ERP44: variants seen among roughly 807,000 people sequenced by gnomAD.
The protein encoded by ERP44 is endoplasmic reticulum resident protein 44.
In ERP44, 25 loss-of-function variants were observed where a neutral mutation model predicts 53.4. The ratio of observed to expected loss-of-function variants is 0.47; its 90% CI spans 0.34 to 0.65. ERP44 has a LOEUF of 0.65. ERP44 is among the 30% of genes least tolerant of loss of function. The pLI is 0.01. For missense variants in ERP44, 338 were observed against 493.2 expected (o/e 0.69, Z 2.98); for synonymous variants, 145 against 161.2 (o/e 0.90, Z 0.76).
rs1008869168 is a variant in ERP44, at chr9:100,017,952, A to G, written c.645+304T>C. Among the ~76,000 whole-genome samples the G allele has an allele frequency of 1.4e-4, 22 of 152,208 alleles. 1 individual carries two copies. Among genetic ancestry groups the G allele is most frequent in the Admixed American group, 6.5e-5 (1 of 15,280 alleles). ...GGAGCATTTTAAAAATCTGGCTCCC[A>G]GACTGAATGCCAGAGAGATAGAAAA... On this transcript the variant is annotated intron_variant, in intron 7 of 11. Coordinates refer to ENST00000262455, the MANE Select transcript of ERP44 (RefSeq NM_015051.3).
intron 8 of ERP44, among the ~76,000 whole-genome samples, chr9:100,008,224 G>A (rs1362790061): frequency 2.0e-5 from 3 of 151,898 alleles, no homozygotes; most frequent in Non-Finnish European, 4.4e-5. Flanking sequence ...GTTTTATCCA[G>A]GGTAAAAAAC....
At chr9:99,985,200 T>C (rs567245278) in intron 10 of ERP44, 131 bp from the exon 11 acceptor site, 5 of 612,334 alleles carry the variant, frequency 8.2e-6, no homozygotes, top group African/African-American at 3.7e-5. Flanking sequence ...GCAGGCCAGG[T>C]ATGTGTGAAA....
chr9:100,076,782 G>T (rs1341675181), intron 1 of ERP44, among the ~76,000 whole-genome samples: 1 of 152,208 alleles, frequency 6.6e-6, no homozygotes, highest in Non-Finnish European at 1.5e-5. Flanking sequence ...GGTGACTTCG[G>T]CAGAGGAGGA....
chr9:100,098,957 C>T lies in ERP44; in HGVS notation c.-117G>A. 5.1e-6 allele frequency: 4 copies of T among 776,780 alleles called. No individual in the cohort carries two copies. The highest frequency in any genetic ancestry group is 6.5e-6 in the Non-Finnish European group (3 of 462,544). 48.1% of individuals were successfully genotyped at this position (776,780 alleles called of 1,614,324 possible). A position where few individuals can be genotyped will look rare whatever the true frequency, so the allele number is the denominator to read the frequency against. The stretch of plus-strand genomic sequence containing the variant: ...CGACGGCAGCGGAGGATTCTCCAGG[C>T]AGCGGCACCTCGTCCTCTCGACCCG... On this transcript the variant is annotated 5_prime_UTR_variant, in exon 1 of 12. Coordinates refer to ENST00000262455, the MANE Select transcript of ERP44 (RefSeq NM_015051.3).
At chr9:100,000,663 T>C (rs1399800912) in intron 10 of ERP44, among the ~76,000 whole-genome samples, 1 of 152,148 alleles carries the variant, frequency 6.6e-6, no homozygotes, top group African/African-American at 2.4e-5. Flanking sequence ...TTTGTTGACA[T>C]AATTATTCAT....
intron 2 of ERP44, among the ~76,000 whole-genome samples, chr9:100,058,731 T>C (rs1240031783): frequency 6.6e-6 from 1 of 152,258 alleles, no homozygotes; most frequent in Non-Finnish European, 1.5e-5. Flanking sequence ...GAGAAAGATG[T>C]AGTGCTTTTT....
chr9:100,043,291 A>AGAAAAAAAAAAAAG (rs1554708805), intron 4 of ERP44, among the ~76,000 whole-genome samples: 2 of 74,878 alleles, frequency 2.7e-5, no homozygotes, highest in African/African-American at 5.8e-5. Context: ...AAAAAAAAAA[A>AGAAAAAAAAAAAAG]GATAAATAAG....
rs756416909 is a variant in ERP44 at position 100,098,755 on chromosome 9, G to C, written c.57+29C>G. 7 of 1,604,090 alleles carry C rather than the reference G, an allele frequency of 4.4e-6. 1 individual carries two copies. The South Asian group carries it at 7.7e-5, about 18-fold the overall frequency. On this transcript the variant is annotated intron_variant, in intron 1 of 11. Transcript: ENST00000262455. Reference sequence around the variant, plus strand: ...AGGGCCGGAGGCCGTTCGTGCGTTTGTCGATGGGTCTGTCATTCCCTCACT... The same window carrying C: ...AGGGCCGGAGGCCGTTCGTGCGTTTCTCGATGGGTCTGTCATTCCCTCACT...
At chr9:100,030,171 T>C (rs1244672235) in intron 4 of ERP44, among the ~76,000 whole-genome samples, 1 of 152,212 alleles carries the variant, frequency 6.6e-6, no homozygotes. Context: ...AGCCATTCTT[T>C]TATTCCCTTA....
intron 8 of ERP44, among the ~76,000 whole-genome samples, chr9:100,012,501 T>C (rs554113852): frequency 9.8e-4 from 149 of 152,250 alleles, no homozygotes; most frequent in African/African-American, 3.5e-3. Context: ...CAATGTAAGA[T>C]GATTTAGGTT....
In ERP44 at chr9:99,999,097, C is replaced by T. The variant is rs1564086496; in HGVS notation, c.1016+7409G>A. 3.3e-5 allele frequency: 22 copies of T among 671,012 alleles called. No individual in the cohort carries two copies. In the East Asian group the frequency reaches 4.7e-4, roughly 14 times the overall value. The allele number at this position is 671,012 out of a possible 1,614,324, so 41.6% of individuals were successfully genotyped here. On this transcript the variant is annotated intron_variant, in intron 10 of 11. Transcript: ENST00000262455. ...AGGGAGCGCACGGCCGTTCCCACAG[C>T]GGCGGGGCGTGGACACGGCGCACCT...
chr9:100,064,090 C>T (rs1383620192), intron 1 of ERP44, among the ~76,000 whole-genome samples: 1 of 152,188 alleles, frequency 6.6e-6, no homozygotes, highest in Non-Finnish European at 1.5e-5. Flanking sequence ...CTCTGAACAC[C>T]AAGAGCACTT....
chr9:100,010,564 G>T (rs1830465185), intron 8 of ERP44, among the ~76,000 whole-genome samples: 1 of 152,056 alleles, frequency 6.6e-6, no homozygotes, highest in African/African-American at 2.4e-5. Context: ...TTTAAAAATT[G>T]TAAGTAATCC....
chr9:99,980,679 T>C lies in ERP44; in HGVS notation c.*1933A>G, dbSNP rs1830139796. 6.6e-6 allele frequency: 1 copy of C among 152,196 alleles called. No individual in the cohort carries two copies. Among genetic ancestry groups the C allele is most frequent in the Non-Finnish European group, 1.5e-5 (1 of 68,036 alleles). 9.4% of individuals were successfully genotyped at this position (152,196 alleles called of 1,614,324 possible). ...AGTGTCCAGAAATTCTAGGCACTAG[T>C]GATACAGACATTAAATTTAGTTTCC... On this transcript the variant is annotated 3_prime_UTR_variant, in exon 12 of 12. Transcript: ENST00000262455.
Position 100,098,926 on chromosome 9 carries a change from G to T in ERP44, c.-86C>A. The T allele has an allele frequency of 2.9e-6, 3 of 1,041,950 alleles. No individual in the cohort carries two copies. Among genetic ancestry groups the T allele is most frequent in the Non-Finnish European group, 4.4e-6 (3 of 686,102 alleles). The allele number at this position is 1,041,950 out of a possible 1,614,324, so 64.5% of individuals were successfully genotyped here. A position where few individuals can be genotyped will look rare whatever the true frequency, so the allele number is the denominator to read the frequency against. On this transcript the variant is annotated 5_prime_UTR_variant, in exon 1 of 12. Coordinates refer to ENST00000262455, the MANE Select transcript of ERP44 (RefSeq NM_015051.3). The stretch of plus-strand genomic sequence containing the variant: ...TTGGGTTAGGAAAGGGCTGGGCTCC[G>T]GGAGCCGACGGCAGCGGAGGATTCT...
chr9:100,068,411 C>A (rs1474087166), intron 1 of ERP44, among the ~76,000 whole-genome samples: 1 of 48,384 alleles, frequency 2.1e-5, no homozygotes, highest in Non-Finnish European at 4.7e-5. Flanking sequence ...CGGCCAGCCG[C>A]CGGGCCAGCC....
chr9:100,098,914 G>A lies in ERP44; in HGVS notation c.-74C>T, dbSNP rs956746613. Reference sequence around the variant, plus strand: ...GGCTAGGTTGGGTTGGGTTAGGAAAGGGCTGGGCTCCGGGAGCCGACGGCA... The same window carrying A: ...GGCTAGGTTGGGTTGGGTTAGGAAAAGGCTGGGCTCCGGGAGCCGACGGCA... On this transcript the variant is annotated 5_prime_UTR_variant, in exon 1 of 12. Transcript: ENST00000262455. The A allele has an allele frequency of 1.6e-6, 2 of 1,270,574 alleles. No homozygotes were observed. The highest frequency in any genetic ancestry group is 1.2e-5 in the South Asian group (1 of 81,400). The allele number at this position is 1,270,574 out of a possible 1,614,324, so 78.7% of individuals were successfully genotyped here. A position where few individuals can be genotyped will look rare whatever the true frequency, so the allele number is the denominator to read the frequency against.
chr9:100,014,355 G>A (rs1830507789), intron 8 of ERP44, among the ~76,000 whole-genome samples: 1 of 152,150 alleles, frequency 6.6e-6, no homozygotes, highest in Non-Finnish European at 1.5e-5. Context: ...GTGGATCCTG[G>A]CTCACTGCAA....
chr9:100,027,004 G>A (rs956241974), intron 4 of ERP44, among the ~76,000 whole-genome samples: 6 of 152,186 alleles, frequency 3.9e-5, no homozygotes, highest in African/African-American at 1.4e-4. Context: ...AAAGTAGTGT[G>A]CTAACAGCAA....
Sources: gnomAD v4.1 joint callset for allele counts (sites outside exome capture counted in the v4.1 genomes callset) on GRCh38, gnomAD v4.1.1 for gene constraint, MANE v1.5 for transcripts, NCBI Gene and HGNC (gene_info 2026-07-23, HGNC 2026-07-21) for gene names.